Variants in WSCD1 observed in about 807,000 individuals in gnomAD.
WSCD1 encodes the protein sialate:O-sulfotransferase 1.
In WSCD1, 41 loss-of-function variants were observed where a neutral mutation model predicts 60.4. That is an observed-to-expected ratio of 0.68 (90% CI 0.53 to 0.88). WSCD1 has a LOEUF of 0.88. WSCD1 is among the 40% of genes least tolerant of loss of function. The pLI is 0.00. For missense variants in WSCD1, 784 were observed against 796.2 expected (o/e 0.98, Z 0.18); for synonymous variants, 361 against 332.5 (o/e 1.09, Z -0.93).
rs1364002606 is a variant in WSCD1 at position 6,124,008 on chromosome 17, A to T, written c.*3347A>T. The stretch of plus-strand genomic sequence containing the variant: ...CAGCAACCCCCCATTTCTGTTTGGG[A>T]ATTCATATGATCTGCCAGAGCCTCT... On this transcript the variant is annotated 3_prime_UTR_variant, in exon 9 of 9. Transcript: ENST00000317744. 6.6e-6 allele frequency: 1 copy of T among 152,154 alleles called. No individual in the cohort carries two copies. The highest frequency in any genetic ancestry group is 2.4e-5 in the African/African-American group (1 of 41,426). 9.4% of individuals were successfully genotyped at this position (152,154 alleles called of 1,614,324 possible).
chr17:6,080,993 T>A lies in WSCD1; in HGVS notation c.335T>A (p.Leu112Ter), dbSNP rs1021212883. 6 of 1,546,562 alleles carry A rather than the reference T, an allele frequency of 3.9e-6. No individual in the cohort carries two copies. In the African/African-American group the frequency reaches 8.2e-5, roughly 21 times the overall value. ...AGCCGCAACTCGGAGCTGCGTCAGT[T>A]GCGTCGCCGCTGGTTCCACCACTTC... is the stretch of plus-strand genomic sequence containing the variant. ...LRSRNSELRQ[L>*]RRRWFHHFMS... The change falls in exon 2 of 9, where the codon TTG (leucine) becomes TAG (stop). Residue 112 changes from leucine to a stop codon, truncating the protein, a stop_gained. Coordinates refer to ENST00000317744, the MANE Select transcript of WSCD1 (RefSeq NM_015253.2). LOFTEE classifies it high-confidence loss of function. The surrounding 1 kb of genome is among the most constrained non-coding windows in gnomAD (Gnocchi z 6.6).
chr17:6,085,615 C>T (rs1438369394), intron 2 of WSCD1, among the ~76,000 whole-genome samples: 1 of 152,210 alleles, frequency 6.6e-6, no homozygotes, highest in African/African-American at 2.4e-5. Flanking sequence ...GAAGCATGTA[C>T]AGCCACGTGC....
intron 4 of WSCD1, among the ~76,000 whole-genome samples, chr17:6,091,931 C>A (rs1043851494): frequency 1.8e-4 from 27 of 152,008 alleles, no homozygotes; most frequent in Non-Finnish European, 2.9e-4. Flanking sequence ...CCAAGGCGGG[C>A]GAATCATGAG....
intron 5 of WSCD1, among the ~76,000 whole-genome samples, chr17:6,102,968 A>G (rs1163492187): frequency 6.6e-6 from 1 of 152,190 alleles, no homozygotes; most frequent in Non-Finnish European, 1.5e-5. Context: ...TACATTTTAT[A>G]TGAGCCCTTT....
chr17:6,097,323 C>T (rs549412672), intron 5 of WSCD1, among the ~76,000 whole-genome samples: 184 of 152,386 alleles, frequency 1.2e-3, no homozygotes, highest in Non-Finnish European at 2.3e-3. Flanking sequence ...ATAATGAAGA[C>T]GCCAAAGGGC....
At chr17:6,074,929 G>A (rs1908754482) in intron 1 of WSCD1, among the ~76,000 whole-genome samples, 1 of 152,016 alleles carries the variant, frequency 6.6e-6, no homozygotes, top group African/African-American at 2.4e-5. Flanking sequence ...CAGGCGCTAT[G>A]CCTGAGCGGG....
chr17:6,099,005 C>A (rs1295848977), intron 5 of WSCD1, among the ~76,000 whole-genome samples: 1 of 152,070 alleles, frequency 6.6e-6, no homozygotes, highest in Non-Finnish European at 1.5e-5. Context: ...CAAGAAGAGG[C>A]AACTGCTGAG....
chr17:6,084,487 C>T (rs927529762), intron 2 of WSCD1, among the ~76,000 whole-genome samples: 1 of 152,172 alleles, frequency 6.6e-6, no homozygotes, highest in African/African-American at 2.4e-5. Context: ...GCCCGGGCAG[C>T]CCGCCATCCT....
intron 2 of WSCD1, 165 bp from the exon 3 acceptor site, chr17:6,087,825 C>T: frequency 1.8e-6 from 1 of 545,922 alleles, no homozygotes; most frequent in Non-Finnish European, 3.2e-6. Context: ...GTCAGATGCT[C>T]ACTTTGCTCA....
intron 1 of WSCD1, among the ~76,000 whole-genome samples, chr17:6,078,684 T>C (rs1268254325): frequency 6.6e-6 from 1 of 151,978 alleles, no homozygotes; most frequent in Non-Finnish European, 1.5e-5. Flanking sequence ...GAAGGGGCCC[T>C]TGTGTGTCAT....
chr17:6,112,725 G>A (rs576862232), intron 7 of WSCD1, among the ~76,000 whole-genome samples: 1 of 151,904 alleles, frequency 6.6e-6, no homozygotes, highest in African/African-American at 2.4e-5. Context: ...AAATACCTAG[G>A]AATAAATTTA....
intron 7 of WSCD1, among the ~76,000 whole-genome samples, chr17:6,116,699 G>A (rs1320481453): frequency 1.3e-5 from 2 of 152,256 alleles, no homozygotes; most frequent in Non-Finnish European, 2.9e-5. Context: ...AGCTTGTTGA[G>A]TTTCAGTGGG....
intron 6 of WSCD1, 80 bp downstream of exon 6, chr17:6,109,846 A>C (rs1052978239): frequency 9.2e-5 from 142 of 1,542,028 alleles, no homozygotes; most frequent in Non-Finnish European, 1.2e-4. Flanking sequence ...GATGCCAGTC[A>C]TGGCCAAGCA....
intron 4 of WSCD1, among the ~76,000 whole-genome samples, chr17:6,091,610 C>T (rs1910048417): frequency 6.6e-6 from 1 of 152,220 alleles, no homozygotes; most frequent in African/African-American, 2.4e-5. Flanking sequence ...TCACAGAAGG[C>T]TCCTTTGTAA....
intron 4 of WSCD1, among the ~76,000 whole-genome samples, chr17:6,091,668 A>G (rs1182595305): frequency 2.6e-5 from 4 of 152,224 alleles, no homozygotes; most frequent in Non-Finnish European, 5.9e-5. Context: ...CATTCTTTTC[A>G]TGGCTGGGAG....
chr17:6,070,790 G>T (rs1024738756), intron 1 of WSCD1, 138 bp downstream of exon 1: 1 of 151,782 alleles, frequency 6.6e-6, no homozygotes, highest in African/African-American at 2.4e-5. Flanking sequence ...GCTGCAGGGC[G>T]GGCTTGCCGG....
chr17:6,103,770 T>A (rs539580816), intron 5 of WSCD1, among the ~76,000 whole-genome samples: 34 of 152,300 alleles, frequency 2.2e-4, no homozygotes, highest in Non-Finnish European at 1.0e-4. Context: ...AGCCCCTGCC[T>A]CTGACCCCAT....
At chr17:6,089,938 G>A (rs1909913238) in intron 3 of WSCD1, among the ~76,000 whole-genome samples, 1 of 152,162 alleles carries the variant, frequency 6.6e-6, no homozygotes, top group Admixed American at 6.5e-5. Context: ...GCCATAGGCC[G>A]ATGGCTGTGG....
chr17:6,102,408 T>G (rs1910860495), intron 5 of WSCD1, among the ~76,000 whole-genome samples: 1 of 152,244 alleles, frequency 6.6e-6, no homozygotes, highest in Non-Finnish European at 1.5e-5. Flanking sequence ...AAGAATTTTC[T>G]CTTTGACAAA....
Sources: allele counts gnomAD v4.1 joint callset (sites outside exome capture counted in the v4.1 genomes callset), GRCh38; gene constraint gnomAD v4.1.1; non-coding constraint Gnocchi (gnomAD v3.1); transcripts MANE v1.5; gene names NCBI Gene and HGNC (gene_info 2026-07-23, HGNC 2026-07-21).